Variants in MYBPC2 observed in about 807,000 individuals in gnomAD.
The protein encoded by MYBPC2 is myosin binding protein C2.
Under a neutral mutation model 137.0 loss-of-function variants are expected in MYBPC2, and 122 were observed. That is an observed-to-expected ratio of 0.89 (90% CI 0.77 to 1.03). MYBPC2 has a LOEUF of 1.03. Among genes scored for constraint, MYBPC2 ranks in the 50% least tolerant of loss-of-function variants. The pLI is 0.00. For synonymous variants in MYBPC2, 626 were observed against 612.3 expected (o/e 1.02, Z -0.33); for missense variants, 1,500 against 1,534.4 (o/e 0.98, Z 0.37).
intron 7 of MYBPC2, 112 bp downstream of exon 7, chr19:50,437,830 C>T (rs2039718128): frequency 8.2e-7 from 1 of 1,222,184 alleles, no homozygotes; most frequent in Non-Finnish European, 1.2e-6. Flanking sequence ...ATCCCTCTAC[C>T]ACCTCCATCT....
Position 50,459,202 on chromosome 19 carries a change from T to TGTTC in MYBPC2, c.2688_2691dup (p.Phe898ValfsTer63), listed in dbSNP as rs772529375. The stretch of plus-strand genomic sequence containing the variant: ...GTGCGGACCAGCGACTTCGACACCG[T>TGTTC]GTTCTTCGTGCGCCAGGCGGCCCGC... On this transcript the variant is annotated frameshift_variant, in exon 23 of 28. Transcript: ENST00000357701. LOFTEE classifies it high-confidence loss of function. 6.2e-7 allele frequency: 1 copy of TGTTC among 1,610,482 alleles called. No individual in the cohort carries two copies. The highest frequency in any genetic ancestry group is 8.5e-7 in the Non-Finnish European group (1 of 1,179,358).
intron 24 of MYBPC2, 36 bp downstream of exon 24, chr19:50,460,215 T>C (rs1046850912): frequency 3.8e-6 from 6 of 1,575,700 alleles, no homozygotes; most frequent in Non-Finnish European, 5.2e-6. Context: ...GAAGAGCCGG[T>C]GAGGTGGGCA....
chr19:50,462,209 C>G (rs2039979055), intron 26 of MYBPC2, among the ~76,000 whole-genome samples, 173 bp downstream of exon 26: 1 of 149,888 alleles, frequency 6.7e-6, no homozygotes, highest in African/African-American at 2.5e-5. Context: ...TTTTTTGAGA[C>G]AGGGTCTTGC....
chr19:50,457,680 G>GTT (rs544491551), intron 20 of MYBPC2, among the ~76,000 whole-genome samples: 9,127 of 126,330 alleles, frequency 0.072, 478 homozygotes, highest in East Asian at 0.13. Context: ...CCTGGGGAAA[G>GTT]TTTTTTTTTT....
chr19:50,461,923 T>C lies in MYBPC2; in HGVS notation c.3115T>C (p.Tyr1039His). The C allele has an allele frequency of 6.3e-7, 1 of 1,597,210 alleles. No homozygotes were observed. The highest frequency in any genetic ancestry group is 8.5e-7 in the Non-Finnish European group (1 of 1,171,472). The stretch of plus-strand genomic sequence containing the variant: ...AGGAATCACCTTCAAACCGTTCGAG[T>C]ATAAGGAGCATGACTTCCGGATGGC... ...KTGITFKPFE[Y>H]KEHDFRMAPK... Residue 1039 changes from tyrosine to histidine, a missense_variant, in exon 26 of 28, where the codon TAT (tyrosine) becomes CAT (histidine). Physicochemically the swap from Tyr to His is moderately conservative, Grantham distance 83. Coordinates refer to ENST00000357701, the MANE Select transcript of MYBPC2 (RefSeq NM_004533.4).
rs549661674 is a variant in MYBPC2 at position 50,460,144 on chromosome 19, G to C, written c.2896G>C (p.Gly966Arg). The C allele has an allele frequency of 2.5e-6, 4 of 1,594,180 alleles. No homozygotes were observed. In the South Asian group the frequency reaches 4.6e-5, roughly 18 times the overall value. ...PKDDGNSEIMGYFVQKADKKT... is the reference protein window; with the variant it reads ...PKDDGNSEIMRYFVQKADKKT... ...AGATGATGGGAACAGTGAGATCATG[G>C]GGTATTTCGTCCAGAAAGCAGACAA... The change falls in exon 24 of 28, where the codon GGG becomes CGG. Residue 966 changes from glycine to arginine, a missense_variant. By Grantham distance (125) the Gly-to-Arg change is moderately radical. Coordinates refer to ENST00000357701, the MANE Select transcript of MYBPC2 (RefSeq NM_004533.4).
At chr19:50,459,085 C>T in intron 22 of MYBPC2, 26 bp from the exon 23 acceptor site, 1 of 1,549,800 alleles carries the variant, frequency 6.5e-7, no homozygotes, top group Non-Finnish European at 8.7e-7. Context: ...CCGCTGACCC[C>T]ACCCCGCCCC....
intron 4 of MYBPC2, 100 bp downstream of exon 4, chr19:50,436,260 G>A: frequency 6.8e-7 from 1 of 1,476,140 alleles, no homozygotes. Context: ...ATGTGGGCCT[G>A]GAGCCGGGAT....
rs566583203 is a variant in MYBPC2, at chr19:50,453,503, CTTT to C, written c.1750-511_1750-509del. On this transcript the variant is annotated intron_variant, in intron 16 of 27. Transcript: ENST00000357701. ...TGCAAAATCTCTGGGACAAGGCAGT[CTTT>C]TTTTTGTTGTTGTTGTTGTTTGGTT... is the stretch of plus-strand genomic sequence containing the variant. Among the ~76,000 whole-genome samples the C allele has an allele frequency of 1.7e-4, 24 of 142,468 alleles. No homozygotes were observed. The South Asian group carries it at 3.9e-3, about 23-fold the overall frequency. 93.5% of individuals were successfully genotyped at this position (142,468 alleles called of 152,430 possible).
At position 50,436,723 on chromosome 19, in the gene MYBPC2, T is replaced by C. The variant is rs2122577569; in HGVS notation, c.452T>C (p.Ile151Thr). ...KDTCDSCGFN[I>T]DVEAPRQDAS... ...ACCTGTGACAGCTGTGGCTTCAACA[T>C]CGATGTGGAGGGTATGCTGGTGGGG... The change falls in exon 5 of 28, where the codon ATC becomes ACC. Residue 151 changes from isoleucine to threonine, a missense_variant. Transcript: ENST00000357701. 6.2e-7 allele frequency: 1 copy of C among 1,613,666 alleles called. No homozygotes were observed. Among genetic ancestry groups the C allele is most frequent in the East Asian group, 2.2e-5 (1 of 44,862 alleles).
intron 14 of MYBPC2, 128 bp downstream of exon 14, chr19:50,451,063 C>T: frequency 1.9e-6 from 2 of 1,025,868 alleles, no homozygotes. Flanking sequence ...AGCGTCTGTC[C>T]CGCTCATGGC....
chr19:50,451,961 AG>A lies in MYBPC2; in HGVS notation c.1711del (p.Glu571SerfsTer9). The A allele has an allele frequency of 6.4e-7, 1 of 1,557,640 alleles. No individual in the cohort carries two copies. Among genetic ancestry groups the A allele is most frequent in the Middle Eastern group, 1.7e-4 (1 of 5,998 alleles). On this transcript the variant is annotated frameshift_variant, in exon 16 of 28. Coordinates refer to ENST00000357701, the MANE Select transcript of MYBPC2 (RefSeq NM_004533.4). LOFTEE classifies it high-confidence loss of function. ...AGCTGAGGCTTGACGTGTCCATCAC[AG>A]GGGAGCCCCCTCCCGTCGCTACCTG... ...NKLRLDVSIT[G>X]EPPPVATWLK...
chr19:50,453,907 C>G (rs1016621294), intron 16 of MYBPC2, 113 bp from the exon 17 acceptor site: 13 of 1,235,960 alleles, frequency 1.1e-5, no homozygotes, highest in Non-Finnish European at 1.3e-5. Flanking sequence ...AGTGAGGACT[C>G]TGTGTGTTGA....
rs187918240 is a variant in MYBPC2 at position 50,449,226 on chromosome 19, G to A, written c.1472+836G>A. On this transcript the variant is annotated intron_variant, in intron 13 of 27. Coordinates refer to ENST00000357701, the MANE Select transcript of MYBPC2 (RefSeq NM_004533.4). ...AATTAGGATTCATTTCATCTTGAGCGTGCAGGTTGGTTGGGGGCTGGCTGA... is the reference window on the plus strand; with the variant it reads ...AATTAGGATTCATTTCATCTTGAGCATGCAGGTTGGTTGGGGGCTGGCTGA... Among the ~76,000 whole-genome samples the A allele has an allele frequency of 1.2e-4, 18 of 152,278 alleles. No individual in the cohort carries two copies. The South Asian group carries it at 1.5e-3, about 12-fold the overall frequency.
At chr19:50,448,474 A>ATT (rs1211001890) in intron 13 of MYBPC2, 84 bp downstream of exon 13, 56 of 1,185,788 alleles carry the variant, frequency 4.7e-5, no homozygotes, top group East Asian at 1.2e-4. Context: ...TCCCCCATTT[A>ATT]TTTTTTTTTT....
chr19:50,444,797 A>G (rs1055974597), intron 11 of MYBPC2, among the ~76,000 whole-genome samples: 1 of 147,546 alleles, frequency 6.8e-6, no homozygotes, highest in Non-Finnish European at 1.5e-5. Flanking sequence ...GGAGAATGGC[A>G]TGAACCTGGG....
intron 20 of MYBPC2, 22 bp downstream of exon 20, chr19:50,455,666 G>A (rs1473074960): frequency 8.1e-6 from 13 of 1,611,280 alleles, no homozygotes; most frequent in Non-Finnish European, 1.1e-5. Flanking sequence ...TGGCAGGGCT[G>A]GTGGGGGTGG....
intron 12 of MYBPC2, among the ~76,000 whole-genome samples, chr19:50,447,565 T>A (rs1183007910): frequency 6.6e-6 from 1 of 151,964 alleles, no homozygotes; most frequent in Non-Finnish European, 1.5e-5. Flanking sequence ...CCCGTCTGTA[T>A]AAAAACATCA....
chr19:50,455,114 T>G lies in MYBPC2; in HGVS notation c.2021T>G (p.Leu674Arg). 1 of 1,611,958 alleles carries G rather than the reference T, an allele frequency of 6.2e-7. No individual in the cohort carries two copies. Among genetic ancestry groups the G allele is most frequent in the Non-Finnish European group, 8.5e-7 (1 of 1,179,366 alleles). The part of the protein sequence containing the change: ...YDGGKPVTGY[L>R]VERKKKGSQR... ...CTCTGCTTGGAGCCTCCAGGGTACC[T>G]CGTAGAGCGGAAGAAGAAGGGCTCT... The change falls in exon 19 of 28, where the codon CTC becomes CGC. Residue 674 changes from leucine to arginine, a missense_variant. Coordinates refer to ENST00000357701, the MANE Select transcript of MYBPC2 (RefSeq NM_004533.4).
Sources: allele counts gnomAD v4.1 joint callset (sites outside exome capture counted in the v4.1 genomes callset), GRCh38; gene constraint gnomAD v4.1.1; transcripts MANE v1.5; gene names NCBI Gene and HGNC (gene_info 2026-07-23, HGNC 2026-07-21).